FGGY: variants seen among roughly 807,000 people sequenced by gnomAD.
The protein encoded by FGGY is FGGY carbohydrate kinase domain-containing protein.
Under a neutral mutation model 71.3 loss-of-function variants are expected in FGGY, and 72 were observed. That is an observed-to-expected ratio of 1.01 (90% CI 0.84 to 1.23). The LOEUF is 1.23. FGGY is among the 50% of genes most tolerant of loss of function. The pLI is 0.00. For missense variants in FGGY, 668 were observed against 682.3 expected (o/e 0.98, Z 0.23); for synonymous variants, 251 against 250.3 (o/e 1.00, Z -0.02).
At chr1:59,489,295 G>C (rs2093752261) in intron 6 of FGGY, among the ~76,000 whole-genome samples, 1 of 151,906 alleles carries the variant, frequency 6.6e-6, no homozygotes, top group Non-Finnish European at 1.5e-5. Context: ...ATTCTACAGT[G>C]GTATAGAATA....
chr1:59,616,836 C>T (rs554118936), intron 9 of FGGY, among the ~76,000 whole-genome samples: 1 of 152,022 alleles, frequency 6.6e-6, no homozygotes, highest in East Asian at 1.9e-4. Flanking sequence ...AATTAATATT[C>T]TCAAAAGTCC....
At chr1:59,626,280 T>C in intron 10 of FGGY, 1 of 425,962 alleles carries the variant, frequency 2.3e-6, no homozygotes, top group Non-Finnish European at 4.2e-6. Context: ...GGACTATAGA[T>C]AAGAAACTCT....
chr1:59,549,696 C>A (rs1221061794), intron 7 of FGGY, among the ~76,000 whole-genome samples: 1 of 152,096 alleles, frequency 6.6e-6, no homozygotes, highest in Non-Finnish European at 1.5e-5. Flanking sequence ...TTCTATATAA[C>A]CTTGTAAGCT....
At chr1:59,408,025 T>C (rs2063022892) in intron 5 of FGGY, among the ~76,000 whole-genome samples, 1 of 152,250 alleles carries the variant, frequency 6.6e-6, no homozygotes, top group Non-Finnish European at 1.5e-5. Context: ...GGAATATTTC[T>C]TTGTTCTCAT....
intron 6 of FGGY, among the ~76,000 whole-genome samples, chr1:59,465,905 A>G (rs1320629289): frequency 1.3e-5 from 2 of 152,220 alleles, no homozygotes; most frequent in African/African-American, 2.4e-5. Flanking sequence ...AGGAAGAATC[A>G]ATATCATGAA....
chr1:59,351,934 T>C (rs79993078), intron 4 of FGGY, among the ~76,000 whole-genome samples: 2,607 of 152,286 alleles, frequency 0.017, 78 homozygotes, highest in African/African-American at 0.059. Flanking sequence ...AGGACCACCA[T>C]AGCTCTTGAA....
At chr1:59,577,331 T>G (rs2096098868) in intron 8 of FGGY, among the ~76,000 whole-genome samples, 1 of 152,236 alleles carries the variant, frequency 6.6e-6, no homozygotes, top group African/African-American at 2.4e-5. Flanking sequence ...GAATAATTGC[T>G]TATTGCATTT....
At chr1:59,645,677 G>C (rs2097087267) in intron 11 of FGGY, among the ~76,000 whole-genome samples, 1 of 152,088 alleles carries the variant, frequency 6.6e-6, no homozygotes, top group Non-Finnish European at 1.5e-5. Flanking sequence ...AAATTGGCGT[G>C]GCCTTTGTTT....
intron 14 of FGGY, among the ~76,000 whole-genome samples, chr1:59,674,585 G>C (rs573198854): frequency 2.6e-5 from 4 of 152,246 alleles, no homozygotes; most frequent in African/African-American, 9.6e-5. Flanking sequence ...GGAATTAAAA[G>C]GGAAAATAAG....
intron 2 of FGGY, among the ~76,000 whole-genome samples, chr1:59,326,257 A>G (rs976710476): frequency 6.6e-6 from 1 of 152,230 alleles, no homozygotes; most frequent in African/African-American, 2.4e-5. Context: ...GCTTTTAAAG[A>G]TGAAACAGCT....
At chr1:59,386,312 G>A (rs949512525) in intron 5 of FGGY, among the ~76,000 whole-genome samples, 1 of 152,070 alleles carries the variant, frequency 6.6e-6, no homozygotes, top group African/African-American at 2.4e-5. Context: ...GTTTTGAAGT[G>A]TATTGGTCAT....
chr1:59,395,939 CT>C (rs1355004688), intron 5 of FGGY, among the ~76,000 whole-genome samples: 1 of 152,130 alleles, frequency 6.6e-6, no homozygotes, highest in Non-Finnish European at 1.5e-5. Context: ...CAACAGAGAC[CT>C]ATTTCTCTAA....
At chr1:59,668,082 A>G (rs1416370243) in intron 13 of FGGY, among the ~76,000 whole-genome samples, 1 of 152,170 alleles carries the variant, frequency 6.6e-6, no homozygotes, top group Non-Finnish European at 1.5e-5. Flanking sequence ...AGGGATCATA[A>G]TAGAGATGCA....
intron 9 of FGGY, among the ~76,000 whole-genome samples, chr1:59,618,408 G>A (rs892764970): frequency 6.6e-6 from 1 of 152,074 alleles, no homozygotes; most frequent in Non-Finnish European, 1.5e-5. Context: ...TTATAAGTAG[G>A]AGAGCCACAA....
intron 12 of FGGY, among the ~76,000 whole-genome samples, chr1:59,663,873 G>A (rs1367783893): frequency 5.3e-5 from 8 of 152,102 alleles, no homozygotes; most frequent in African/African-American, 1.4e-4. Flanking sequence ...GAATATTGCC[G>A]GAGCACTTAT....
intron 8 of FGGY, among the ~76,000 whole-genome samples, chr1:59,591,065 C>T (rs1038887737): frequency 2.1e-4 from 32 of 152,216 alleles, no homozygotes; most frequent in African/African-American, 6.5e-4. Flanking sequence ...AAAATCTCCT[C>T]AAGCTGATAA....
chr1:59,524,554 G>T (rs537814857), intron 7 of FGGY, among the ~76,000 whole-genome samples: 9 of 151,952 alleles, frequency 5.9e-5, no homozygotes, highest in Non-Finnish European at 1.2e-4. Flanking sequence ...TTCTGAGCCC[G>T]TAAAAATCCC....
At chr1:59,587,839 G>C (rs1571716342) in intron 8 of FGGY, among the ~76,000 whole-genome samples, 1 of 152,086 alleles carries the variant, frequency 6.6e-6, no homozygotes, top group Non-Finnish European at 1.5e-5. Flanking sequence ...AAACCACAAA[G>C]ATGGGGAAAA....
intron 4 of FGGY, among the ~76,000 whole-genome samples, chr1:59,348,045 G>T (rs1415588194): frequency 6.6e-6 from 1 of 152,076 alleles, no homozygotes; most frequent in Non-Finnish European, 1.5e-5. Flanking sequence ...GAAAATTTTT[G>T]CAATCTACTC....
Sources: gnomAD v4.1 joint callset for allele counts (sites outside exome capture counted in the v4.1 genomes callset) on GRCh38, gnomAD v4.1.1 for gene constraint, MANE v1.5 for transcripts, NCBI Gene and HGNC (gene_info 2026-07-23, HGNC 2026-07-21) for gene names.